Variants in MYO5B observed in about 807,000 individuals in gnomAD.
MYO5B encodes the protein unconventional myosin-Vb.
MYO5B carries 143 observed loss-of-function variants against 229.3 expected under a neutral mutation model. That is an observed-to-expected ratio of 0.62 (90% confidence interval 0.54 to 0.72). The LOEUF (loss-of-function observed/expected upper bound fraction) is 0.72. Ranked by LOEUF, MYO5B falls within the 30% of genes least tolerant of loss-of-function variation. The pLI is 0.00. For synonymous variants in MYO5B, 918 were observed against 885.2 expected (o/e 1.04, Z -0.66); for missense variants, 2,321 against 2,331.0 (o/e 1.00, Z 0.09).
rs185172973 is a variant in MYO5B at position 50,155,996 on chromosome 18, G to A, written c.27+38771C>T. Reference sequence around the variant, plus strand: ...AGAAAAATGGTGGCCTGCCACAGTCGTGCACAATGACATTCTAGCAAGGTC... The same window carrying A: ...AGAAAAATGGTGGCCTGCCACAGTCATGCACAATGACATTCTAGCAAGGTC... On this transcript the variant is annotated intron_variant, in intron 1 of 39. Coordinates refer to ENST00000285039, the MANE Select transcript of MYO5B (RefSeq NM_001080467.3). Among the ~76,000 whole-genome samples the A allele has an allele frequency of 1.2e-4, 18 of 152,296 alleles. No homozygotes were observed. In the East Asian group the frequency reaches 2.7e-3, roughly 23 times the overall value.
At chr18:50,066,004 T>C (rs1213234508) in intron 1 of MYO5B, among the ~76,000 whole-genome samples, 9 of 151,690 alleles carry the variant, frequency 5.9e-5, no homozygotes, top group Non-Finnish European at 8.8e-5. Flanking sequence ...AAAATGACAC[T>C]GGCAAGAGAT....
intron 27 of MYO5B, among the ~76,000 whole-genome samples, chr18:49,864,736 T>C (rs1320541182): frequency 6.6e-6 from 1 of 152,218 alleles, no homozygotes; most frequent in Non-Finnish European, 1.5e-5. Context: ...ATTCCTACAA[T>C]CTAAATATGT....
intron 4 of MYO5B, among the ~76,000 whole-genome samples, chr18:50,025,671 A>T (rs2026323189): frequency 6.6e-6 from 1 of 152,196 alleles, no homozygotes; most frequent in Non-Finnish European, 1.5e-5. Context: ...AGATGACACT[A>T]ATAGAGGGAC....
intron 1 of MYO5B, among the ~76,000 whole-genome samples, chr18:50,143,531 C>T (rs2032450417): frequency 6.6e-6 from 1 of 152,156 alleles, no homozygotes; most frequent in African/African-American, 2.4e-5. Context: ...AGCGGTTGAT[C>T]TGTATGGGTC....
intron 1 of MYO5B, among the ~76,000 whole-genome samples, chr18:50,151,996 CTTTGA>C (rs2032606595): frequency 6.6e-6 from 1 of 152,194 alleles, no homozygotes; most frequent in Non-Finnish European, 1.5e-5. Flanking sequence ...CCTTCCTTGA[CTTTGA>C]TCCAAGATGG....
chr18:49,850,766 G>A (rs2144055650), intron 31 of MYO5B: 1 of 152,712 alleles, frequency 6.5e-6, no homozygotes, highest in East Asian at 1.9e-4. Flanking sequence ...CAGCACCAAA[G>A]CATGTGATTC....
chr18:50,104,538 C>G (rs1352013693), intron 1 of MYO5B, among the ~76,000 whole-genome samples: 2 of 151,994 alleles, frequency 1.3e-5, no homozygotes, highest in Non-Finnish European at 2.9e-5. Context: ...CATGATGATT[C>G]CTGTCTTTAT....
At chr18:50,153,852 A>C (rs937242412) in intron 1 of MYO5B, among the ~76,000 whole-genome samples, 1 of 152,194 alleles carries the variant, frequency 6.6e-6, no homozygotes, top group African/African-American at 2.4e-5. Flanking sequence ...CCAGTGAGTG[A>C]GTGAGTGGGG....
chr18:50,040,425 T>G (rs2029979172), intron 2 of MYO5B, 111 bp from the exon 3 acceptor site: 1 of 1,090,266 alleles, frequency 9.2e-7, no homozygotes, highest in South Asian at 1.3e-5. Context: ...TAGTAAGTAA[T>G]GAAGATAATG....
At chr18:50,045,482 C>A (rs1179660509) in intron 2 of MYO5B, among the ~76,000 whole-genome samples, 1 of 152,204 alleles carries the variant, frequency 6.6e-6, no homozygotes, top group Non-Finnish European at 1.5e-5. Context: ...CAATCTCCGC[C>A]TCCTGAGCTC....
At chr18:49,845,746 G>C (rs490755) in intron 33 of MYO5B, among the ~76,000 whole-genome samples, 68,359 of 151,996 alleles carry the variant, frequency 0.45, 15,863 homozygotes, top group Middle Eastern at 0.57. Flanking sequence ...CTCTGCAGGG[G>C]GATGCTGGAC....
chr18:50,111,408 A>C (rs1424760669), intron 1 of MYO5B, among the ~76,000 whole-genome samples: 2 of 152,242 alleles, frequency 1.3e-5, no homozygotes, highest in Non-Finnish European at 2.9e-5. Flanking sequence ...ATACACACCC[A>C]TGTCAAGATT....
chr18:49,935,142 A>G (rs985329630), intron 16 of MYO5B, among the ~76,000 whole-genome samples: 1 of 152,262 alleles, frequency 6.6e-6, no homozygotes, highest in Non-Finnish European at 1.5e-5. Flanking sequence ...AAGGGAGACC[A>G]GGGTGAGGAA....
intron 21 of MYO5B, among the ~76,000 whole-genome samples, chr18:49,900,881 C>G (rs2144140755): frequency 6.6e-6 from 1 of 152,262 alleles, no homozygotes; most frequent in South Asian, 2.1e-4. Context: ...GGACTGAAAC[C>G]CTTCAGTAAT....
chr18:49,915,806 C>T (rs769871620), intron 17 of MYO5B, among the ~76,000 whole-genome samples: 28 of 152,184 alleles, frequency 1.8e-4, no homozygotes, highest in Non-Finnish European at 2.6e-4. Flanking sequence ...GACAAACTGC[C>T]CATCAGATGT....
chr18:50,110,430 T>C (rs78881789), intron 1 of MYO5B, among the ~76,000 whole-genome samples: 4,389 of 152,286 alleles, frequency 0.029, 80 homozygotes, highest in Non-Finnish European at 0.045. Context: ...TGGAAGATAG[T>C]GCTTTCTCTC....
chr18:50,112,997 C>A (rs955554080), intron 1 of MYO5B, among the ~76,000 whole-genome samples: 1 of 152,132 alleles, frequency 6.6e-6, no homozygotes, highest in Non-Finnish European at 1.5e-5. Context: ...GTTACATGGA[C>A]GTTGAGTGCC....
intron 10 of MYO5B, among the ~76,000 whole-genome samples, chr18:49,964,424 G>A (rs144536658): frequency 1.2e-4 from 18 of 151,722 alleles, no homozygotes; most frequent in Non-Finnish European, 2.2e-4. Flanking sequence ...TTTTTATATC[G>A]AGATGTTCTG....
chr18:50,000,251 C>T lies in MYO5B; in HGVS notation c.612+1004G>A, dbSNP rs570657385. Among the ~76,000 whole-genome samples the T allele has an allele frequency of 2.1e-4, 32 of 152,286 alleles. No individual in the cohort carries two copies. In the East Asian group the frequency reaches 3.9e-3, roughly 18 times the overall value. On this transcript the variant is annotated intron_variant, in intron 5 of 39. Coordinates refer to ENST00000285039, the MANE Select transcript of MYO5B (RefSeq NM_001080467.3). ...ACTCCATGGTGACTTGTGCCTTAGT[C>T]GATGGGGCTCAGGGCTCCGCATGGA...
Sources: allele counts gnomAD v4.1 joint callset (sites outside exome capture counted in the v4.1 genomes callset), GRCh38; gene constraint gnomAD v4.1.1; transcripts MANE v1.5; gene names NCBI Gene and HGNC (gene_info 2026-07-23, HGNC 2026-07-21).